Variants in ERGIC1 observed in about 807,000 individuals in gnomAD.
ERGIC1 encodes endoplasmic reticulum-Golgi intermediate compartment protein 1.
A neutral mutation model predicts 38.3 loss-of-function variants in ERGIC1; 19 were observed. The observed-to-expected ratio is 0.50, with a 90% CI of 0.35 to 0.73. The LOEUF (loss-of-function observed/expected upper bound fraction) is 0.73. Ranked by LOEUF, ERGIC1 falls within the 30% of genes least tolerant of loss-of-function variation. The pLI, the probability that ERGIC1 is intolerant of heterozygous loss-of-function variation, is 0.01. For missense variants in ERGIC1, 294 were observed against 389.2 expected, an observed-to-expected ratio of 0.76 and a Z score of 2.06; for synonymous variants, 124 against 157.6, an observed-to-expected ratio of 0.79 and a Z score of 1.60.
rs146171520 is a variant in ERGIC1, at chr5:172,912,684, G to A, written c.251-2030G>A. Reference sequence around the variant, plus strand: ...TTACAGGCGTGAGCCACCGCGCCCAGCCAAGAAGGTGTGTTCTTATATAAA... The same window carrying A: ...TTACAGGCGTGAGCCACCGCGCCCAACCAAGAAGGTGTGTTCTTATATAAA... On this transcript the variant is annotated intron_variant, in intron 4 of 9. Transcript: ENST00000393784. Among the ~76,000 whole-genome samples, 608 of 152,324 alleles carry A rather than the reference G, an allele frequency of 4.0e-3. 3 individuals are homozygous for A. Among genetic ancestry groups the A allele is most frequent in the African/African-American group, 0.014 (591 of 41,588 alleles).
intron 3 of ERGIC1, among the ~76,000 whole-genome samples, chr5:172,903,140 G>C (rs1762928218): frequency 6.6e-6 from 1 of 152,124 alleles, no homozygotes; most frequent in Admixed American, 6.5e-5. Context: ...CCTGCATCCT[G>C]GGAGTTCTGC....
At chr5:172,867,521 C>G (rs553269080) in intron 1 of ERGIC1, 4 of 445,252 alleles carry the variant, frequency 9.0e-6, no homozygotes, top group Non-Finnish European at 1.8e-5. Context: ...TCATTTGACA[C>G]CAAGAAGACA....
intron 9 of ERGIC1, among the ~76,000 whole-genome samples, chr5:172,945,374 G>T (rs951312924): frequency 6.6e-6 from 1 of 152,238 alleles, no homozygotes; most frequent in African/African-American, 2.4e-5. Flanking sequence ...CAAAGAATCT[G>T]CCTGCGGTGC....
At position 172,951,094 on chromosome 5, in the gene ERGIC1, G is replaced by A; in HGVS notation, c.*278G>A. ...AAGGGGTGGGGAGTCCAGGGATCTT[G>A]GGGACCCCTCCTAGGAGAGCTGCAG... On this transcript the variant is annotated 3_prime_UTR_variant, in exon 10 of 10. Transcript: ENST00000393784. The A allele has an allele frequency of 2.9e-6, 1 of 349,206 alleles. No individual in the cohort carries two copies. The highest frequency in any genetic ancestry group is 5.3e-6 in the Non-Finnish European group (1 of 189,990). 21.6% of individuals were successfully genotyped at this position (349,206 alleles called of 1,614,324 possible).
chr5:172,924,289 AG>A (rs965426392), intron 6 of ERGIC1, among the ~76,000 whole-genome samples, 180 bp downstream of exon 6: 3 of 152,340 alleles, frequency 2.0e-5, no homozygotes, highest in East Asian at 1.9e-4. Flanking sequence ...GGTCCTAGGC[AG>A]GGGGCGTCTC....
At chr5:172,912,771 CT>C (rs1460796121) in intron 4 of ERGIC1, among the ~76,000 whole-genome samples, 1 of 140,318 alleles carries the variant, frequency 7.1e-6, no homozygotes, top group East Asian at 2.0e-4. Flanking sequence ...TTCTTTCTTT[CT>C]TTCTTTTTTT....
intron 6 of ERGIC1, 132 bp downstream of exon 6, chr5:172,924,241 G>C: frequency 1.2e-6 from 1 of 846,942 alleles, no homozygotes; most frequent in Non-Finnish European, 1.9e-6. Flanking sequence ...AGCCTGGAAG[G>C]GTAAGAAGGG....
chr5:172,914,661 C>A, intron 4 of ERGIC1, 53 bp from the exon 5 acceptor site: 2 of 1,613,506 alleles, frequency 1.2e-6, no homozygotes, highest in South Asian at 1.1e-5. Context: ...GGCTGGCCCC[C>A]ATCCTCCCGC....
intron 2 of ERGIC1, among the ~76,000 whole-genome samples, chr5:172,894,046 A>AT (rs1308701459): frequency 0.029 from 2,876 of 100,356 alleles, 95 homozygotes; most frequent in African/African-American, 0.089. Context: ...ATACAGCTGG[A>AT]TTTTTTTTTT....
rs895757483 is a variant in ERGIC1 at position 172,938,184 on chromosome 5, G to A, written c.765+2874G>A. On this transcript the variant is annotated intron_variant, in intron 9 of 9. Coordinates refer to ENST00000393784, the MANE Select transcript of ERGIC1 (RefSeq NM_001031711.3). ...AGCAAATGATTTAACCCAAGACCCC[G>A]CAGGGTAGCACACCCCAAGTGGGTC... 1.9e-3 allele frequency among the ~76,000 whole-genome samples: 290 copies of A among 152,208 alleles called. 2 individuals carry two copies. Among genetic ancestry groups the A allele is most frequent in the African/African-American group, 6.8e-3 (281 of 41,528 alleles).
chr5:172,899,999 A>G (rs573666692), intron 3 of ERGIC1, among the ~76,000 whole-genome samples: 2 of 152,344 alleles, frequency 1.3e-5, no homozygotes, highest in East Asian at 1.9e-4. Context: ...CACCAGGCAT[A>G]TAAGTACTCA....
rs998416223 is a variant in ERGIC1 at position 172,926,439 on chromosome 5, C to T, written c.481-70C>T. On this transcript the variant is annotated intron_variant, in intron 6 of 9. Coordinates refer to ENST00000393784, the MANE Select transcript of ERGIC1 (RefSeq NM_001031711.3). This position sits in a 1 kb window ranked among gnomAD's most constrained non-coding sequence, Gnocchi z 5.2. ...TAGACCAGGTGGTACCTGGCCATCC[C>T]CCACAACCAGGGCCAGGCCTGGAGG... 4 of 1,577,730 alleles carry T rather than the reference C, an allele frequency of 2.5e-6. No homozygotes were observed. Among genetic ancestry groups the T allele is most frequent in the Middle Eastern group, 3.3e-4 (2 of 5,986 alleles).
At chr5:172,875,211 T>C (rs1467204615) in intron 1 of ERGIC1, among the ~76,000 whole-genome samples, 1 of 152,202 alleles carries the variant, frequency 6.6e-6, no homozygotes. Flanking sequence ...TAAGAGTTTT[T>C]TTGTTTTCAT....
At chr5:172,924,210 G>C in intron 6 of ERGIC1, 101 bp downstream of exon 6, 1 of 1,141,620 alleles carries the variant, frequency 8.8e-7, no homozygotes, top group Non-Finnish European at 1.3e-6. Context: ...AAGAGTTACC[G>C]TTAAGGTGAC....
At chr5:172,877,550 C>T (rs1762178027) in intron 1 of ERGIC1, among the ~76,000 whole-genome samples, 1 of 150,112 alleles carries the variant, frequency 6.7e-6, no homozygotes, top group Non-Finnish European at 1.5e-5. Context: ...ACCTCCACCT[C>T]CTAGGTTCAA....
At chr5:172,938,643 T>G (rs1401477991) in intron 9 of ERGIC1, among the ~76,000 whole-genome samples, 1 of 151,764 alleles carries the variant, frequency 6.6e-6, no homozygotes, top group Admixed American at 6.6e-5. Context: ...TCCCAGCTAC[T>G]CGGGAGGCTG....
intron 2 of ERGIC1, 98 bp from the exon 3 acceptor site, chr5:172,896,904 C>A: frequency 8.6e-7 from 1 of 1,156,856 alleles, no homozygotes; most frequent in South Asian, 1.3e-5. Context: ...CAGCCCCACA[C>A]CCTTGTCCTG....
At chr5:172,856,007 T>C (rs1761540230) in intron 1 of ERGIC1, among the ~76,000 whole-genome samples, 1 of 152,238 alleles carries the variant, frequency 6.6e-6, no homozygotes, top group African/African-American at 2.4e-5. Flanking sequence ...GTTCATCAAA[T>C]GTCACTTATT....
In ERGIC1 at chr5:172,949,960, C is replaced by T. The variant is rs182413452; in HGVS notation, c.766-749C>T. On this transcript the variant is annotated intron_variant, in intron 9 of 9. Coordinates refer to ENST00000393784, the MANE Select transcript of ERGIC1 (RefSeq NM_001031711.3). ...CGGTGGCAGGCAGCTGTAGTCCCAG[C>T]TACTCGGGAGGCTGAGGCAGGAGAA... Among the ~76,000 whole-genome samples, 30 of 152,266 alleles carry T rather than the reference C, an allele frequency of 2.0e-4. 1 individual carries two copies. The East Asian group carries it at 5.8e-3, about 29-fold the overall frequency.
Sources: gnomAD v4.1 joint callset for allele counts (sites outside exome capture counted in the v4.1 genomes callset) on GRCh38, gnomAD v4.1.1 for gene constraint, Gnocchi (gnomAD v3.1) non-coding constraint, MANE v1.5 for transcripts, NCBI Gene and HGNC (gene_info 2026-07-23, HGNC 2026-07-21) for gene names.